Variants in LRIG1 observed in about 807,000 individuals in gnomAD.
The protein encoded by LRIG1 is leucine rich repeats and immunoglobulin like domains 1, also known as leucine-rich repeats and immunoglobulin-like domains protein 1.
A neutral mutation model predicts 99.2 loss-of-function variants in LRIG1; 48 were observed. The ratio of observed to expected loss-of-function variants is 0.48; its 90% CI spans 0.38 to 0.62. LRIG1 has a LOEUF of 0.62. LRIG1 is among the 20% of genes least tolerant of loss of function. The pLI is 0.00. For synonymous variants in LRIG1, 772 were observed against 596.1 expected (o/e 1.29, Z -4.30); for missense variants, 1,646 against 1,434.4 (o/e 1.15, Z -2.38).
intron 2 of LRIG1, among the ~76,000 whole-genome samples, chr3:66,455,349 T>C (rs575238125): frequency 2.3e-4 from 35 of 152,260 alleles, no homozygotes; most frequent in Non-Finnish European, 4.0e-4. Flanking sequence ...AAAGCTTCTT[T>C]GCAGTTCCAT....
intron 1 of LRIG1, among the ~76,000 whole-genome samples, chr3:66,499,207 AG>A (rs1701296985): frequency 2.0e-5 from 3 of 152,148 alleles, no homozygotes; most frequent in Admixed American, 6.5e-5. Flanking sequence ...ATGTTTACAC[AG>A]AAGTCTAATG....
Position 66,414,902 on chromosome 3 carries a change from G to A in LRIG1, c.647+18C>T, listed in dbSNP as rs1208040837. 1 of 1,565,248 alleles carries A rather than the reference G, an allele frequency of 6.4e-7. No homozygotes were observed. The highest frequency in any genetic ancestry group is 8.6e-7 in the Non-Finnish European group (1 of 1,159,066). On this transcript the variant is annotated intron_variant, in intron 5 of 18. Coordinates refer to ENST00000273261, the MANE Select transcript of LRIG1 (RefSeq NM_015541.3). ...AAGTTTGGCTAGCCTTAATTAAAGT[G>A]TAGGTTTCTGTACTCACAGTTGTGT...
Position 66,405,912 on chromosome 3 carries a change from A to G in LRIG1, c.1080-634T>C, listed in dbSNP as rs1702252509. The G allele has an allele frequency of 3.0e-6, 3 of 1,014,170 alleles. No individual in the cohort carries two copies. In the African/African-American group the frequency reaches 5.2e-5, roughly 18 times the overall value. 62.8% of individuals were successfully genotyped at this position (1,014,170 alleles called of 1,614,324 possible). A position where few individuals can be genotyped will look rare whatever the true frequency, so the allele number is the denominator to read the frequency against. ...TCAGCCCAGGCCCCTCCAACAATGC[A>G]AATCCCATGGCCGATGACTCAATGG... On this transcript the variant is annotated intron_variant, in intron 8 of 18. Transcript: ENST00000273261.
intron 1 of LRIG1, among the ~76,000 whole-genome samples, chr3:66,471,943 T>A (rs552745549): frequency 6.6e-6 from 1 of 152,176 alleles, no homozygotes; most frequent in Non-Finnish European, 1.5e-5. Flanking sequence ...AGGAGACTGA[T>A]TAGCTTCCTA....
chr3:66,468,790 A>T (rs988146474), intron 1 of LRIG1, among the ~76,000 whole-genome samples: 6 of 152,208 alleles, frequency 3.9e-5, no homozygotes, highest in African/African-American at 1.4e-4. Flanking sequence ...GCAAATAAGG[A>T]AGAACATGCA....
rs1701324409 is a variant in LRIG1, at chr3:66,500,182, G to A, written c.218+8C>T. 7 of 1,513,418 alleles carry A rather than the reference G, an allele frequency of 4.6e-6. No homozygotes were observed. Among genetic ancestry groups the A allele is most frequent in the East Asian group, 5.3e-5 (2 of 37,880 alleles). 93.7% of individuals were successfully genotyped at this position (1,513,418 alleles called of 1,614,324 possible). On this transcript the variant is annotated splice_region_variant and intron_variant, in intron 1 of 18. Transcript: ENST00000273261. ...GGGCGCAGAGAGGGCGGAAAGGGCG[G>A]CACTCACAGGCTCCGCGTCCAGGAG...
intron 13 of LRIG1, 37 bp from the exon 14 acceptor site, chr3:66,384,309 C>A: frequency 6.3e-7 from 1 of 1,581,352 alleles, no homozygotes; most frequent in Non-Finnish European, 8.6e-7. Context: ...GGTTACGGGA[C>A]AGCTAGATGC....
intron 1 of LRIG1, among the ~76,000 whole-genome samples, chr3:66,471,293 A>G (rs1394227993): frequency 2.0e-5 from 3 of 152,174 alleles, no homozygotes; most frequent in Admixed American, 1.3e-4. Context: ...TATCATCTCC[A>G]AAAAGAAACA....
chr3:66,402,681 G>A (rs1266945681), intron 9 of LRIG1, among the ~76,000 whole-genome samples: 1 of 152,134 alleles, frequency 6.6e-6, no homozygotes, highest in Non-Finnish European at 1.5e-5. Flanking sequence ...CAAATGAAGG[G>A]ACTCAGGCAC....
chr3:66,442,534 G>C (rs1026566735), intron 3 of LRIG1, among the ~76,000 whole-genome samples: 10 of 152,104 alleles, frequency 6.6e-5, no homozygotes, highest in African/African-American at 2.4e-4. Context: ...CTTTCACACG[G>C]GAGATTGTGC....
intron 7 of LRIG1, among the ~76,000 whole-genome samples, chr3:66,409,410 G>A (rs1171172993): frequency 6.6e-6 from 1 of 152,168 alleles, no homozygotes; most frequent in African/African-American, 2.4e-5. Context: ...CGCTACCCAG[G>A]CGACAGTCTG....
chr3:66,480,646 T>C (rs1700828531), intron 1 of LRIG1, among the ~76,000 whole-genome samples: 1 of 152,294 alleles, frequency 6.6e-6, no homozygotes, highest in South Asian at 2.1e-4. Context: ...TTCTGTGTGC[T>C]TCCCAGATTG....
chr3:66,424,594 T>C (rs1308807166), intron 3 of LRIG1, among the ~76,000 whole-genome samples: 1 of 152,234 alleles, frequency 6.6e-6, no homozygotes, highest in Non-Finnish European at 1.5e-5. Context: ...CCTCTTTTTA[T>C]TGCCTCTCAA....
intron 3 of LRIG1, among the ~76,000 whole-genome samples, chr3:66,447,198 C>T (rs1312717979): frequency 6.6e-6 from 1 of 152,050 alleles, no homozygotes; most frequent in Non-Finnish European, 1.5e-5. Context: ...TGCCCTCAAG[C>T]ATTTATCCTT....
intron 11 of LRIG1, among the ~76,000 whole-genome samples, chr3:66,395,502 AATAATT>A (rs369469149): frequency 8.8e-4 from 134 of 152,310 alleles, no homozygotes; most frequent in African/African-American, 3.0e-3. Flanking sequence ...ATCTTATTAA[AATAATT>A]ATAATTTTGG....
In LRIG1 at chr3:66,382,510, T is replaced by C. The variant is rs1446654812; in HGVS notation, c.2492-112A>G. On this transcript the variant is annotated intron_variant, in intron 15 of 18. Transcript: ENST00000273261. ...TCCTCCCAGTGACGACCATCAGCGC[T>C]GTGCAGAGAGATGACATGGAGTCCA... is the stretch of plus-strand genomic sequence containing the variant. 5.7e-6 allele frequency: 7 copies of C among 1,238,664 alleles called. No homozygotes were observed. In the Admixed American group the frequency reaches 7.0e-5, roughly 12 times the overall value. 76.7% of individuals were successfully genotyped at this position (1,238,664 alleles called of 1,614,324 possible).
At chr3:66,452,741 T>C (rs1299504181) in intron 2 of LRIG1, among the ~76,000 whole-genome samples, 1 of 150,740 alleles carries the variant, frequency 6.6e-6, no homozygotes, top group Non-Finnish European at 1.5e-5. Flanking sequence ...TAGAAGTGAA[T>C]AGGAGAAGGA....
chr3:66,493,839 G>A (rs6791770), intron 1 of LRIG1, among the ~76,000 whole-genome samples: 135,930 of 149,132 alleles, frequency 0.91, 62,600 homozygotes, highest in Non-Finnish European at 0.99. Context: ...AAAAAAAAGA[G>A]AGAGAGAGAG....
At chr3:66,495,170 T>C (rs912820508) in intron 1 of LRIG1, among the ~76,000 whole-genome samples, 1 of 152,202 alleles carries the variant, frequency 6.6e-6, no homozygotes, top group African/African-American at 2.4e-5. Flanking sequence ...TGGCTCAGTG[T>C]CATGCTTAAG....
Sources: gnomAD v4.1 joint callset for allele counts (sites outside exome capture counted in the v4.1 genomes callset) on GRCh38, gnomAD v4.1.1 for gene constraint, MANE v1.5 for transcripts, NCBI Gene and HGNC (gene_info 2026-07-23, HGNC 2026-07-21) for gene names.